Variants in DPP6 observed in about 807,000 individuals in gnomAD.
The protein encoded by DPP6 is dipeptidyl peptidase like 6, also known as A-type potassium channel modulatory protein DPP6.
A neutral mutation model predicts 122.6 loss-of-function variants in DPP6; 69 were observed. The observed-to-expected ratio is 0.56, with a 90% confidence interval of 0.46 to 0.69. DPP6 has a LOEUF of 0.69. Among genes scored for constraint, DPP6 ranks in the 30% least tolerant of loss-of-function variants. The pLI, the probability that DPP6 is intolerant of heterozygous loss-of-function variation, is 0.00. For missense variants in DPP6, 928 were observed against 1,116.9 expected (o/e 0.83, Z 2.41); for synonymous variants, 418 against 433.1 (o/e 0.97, Z 0.43).
chr7:154,322,284 C>T (rs1176916990), intron 1 of DPP6, among the ~76,000 whole-genome samples: 1 of 152,174 alleles, frequency 6.6e-6, no homozygotes, highest in Non-Finnish European at 1.5e-5. Context: ...CATTAGGATG[C>T]AATGTGCATT....
At chr7:154,474,302 T>C (rs184955118) in intron 2 of DPP6, among the ~76,000 whole-genome samples, 139 of 152,348 alleles carry the variant, frequency 9.1e-4, no homozygotes, top group Non-Finnish European at 1.6e-3. Flanking sequence ...ACATCTCATC[T>C]TGGGATGAAC....
At chr7:154,729,713 T>C (rs1443037402) in intron 8 of DPP6, among the ~76,000 whole-genome samples, 1 of 152,194 alleles carries the variant, frequency 6.6e-6, no homozygotes, top group Non-Finnish European at 1.5e-5. Context: ...CACATGAGGC[T>C]GTCCTTCCCT....
chr7:154,723,479 A>C (rs1841921438), intron 7 of DPP6, among the ~76,000 whole-genome samples: 2 of 152,220 alleles, frequency 1.3e-5, no homozygotes, highest in South Asian at 4.1e-4. Flanking sequence ...AAAAAAAAAA[A>C]AAGCTAAAAC....
chr7:154,422,651 TG>T (rs1291238776), intron 1 of DPP6, among the ~76,000 whole-genome samples: 1 of 126,646 alleles, frequency 7.9e-6, no homozygotes, highest in African/African-American at 2.8e-5. Flanking sequence ...GATAGGTGAA[TG>T]GGTAGGTGGA....
chr7:154,862,280 G>C (rs1286658921), intron 17 of DPP6, among the ~76,000 whole-genome samples: 1 of 152,228 alleles, frequency 6.6e-6, no homozygotes, highest in African/African-American at 2.4e-5. Context: ...AGCGAATCAG[G>C]CATGTCCATT....
upstream of DPP6, among the ~76,000 whole-genome samples, chr7:154,049,581 C>CATTTATTTATTTATTTATTTATTT (rs199596759): frequency 1.5e-5 from 2 of 133,270 alleles, no homozygotes; most frequent in African/African-American, 5.4e-5. Context: ...AGGTATAGAA[C>CATTTATTTATTTATTTATTTATTT]ATTTATTTAT....
chr7:154,519,427 C>T (rs966428714), intron 3 of DPP6, among the ~76,000 whole-genome samples: 1 of 152,208 alleles, frequency 6.6e-6, no homozygotes, highest in African/African-American at 2.4e-5. Context: ...TGACATCCCA[C>T]GTTTGTGACA....
At chr7:154,614,333 T>A (rs1834096565) in intron 5 of DPP6, among the ~76,000 whole-genome samples, 1 of 152,238 alleles carries the variant, frequency 6.6e-6, no homozygotes, top group Admixed American at 6.5e-5. Context: ...GAAATAATTA[T>A]GGAATTAGCC....
At chr7:154,389,724 C>A (rs1814446860) in intron 1 of DPP6, among the ~76,000 whole-genome samples, 2 of 151,920 alleles carry the variant, frequency 1.3e-5, no homozygotes, top group Admixed American at 6.6e-5. Context: ...TCTGGCAGTC[C>A]TCAAAATGTA....
intron 1 of DPP6, among the ~76,000 whole-genome samples, chr7:154,023,317 T>TACACAC (rs1563109129): frequency 1.2e-4 from 5 of 40,964 alleles, no homozygotes; most frequent in Admixed American, 3.1e-4. Context: ...GTTTCTTGTC[T>TACACAC]GCACACACAC....
At position 154,758,561 on chromosome 7, in the gene DPP6, G is replaced by A. The variant is rs183075723; in HGVS notation, c.884-10856G>A. Among the ~76,000 whole-genome samples the A allele has an allele frequency of 1.9e-3, 282 of 151,968 alleles. 1 individual carries two copies. Among genetic ancestry groups the A allele is most frequent in the African/African-American group, 6.5e-3 (268 of 41,430 alleles). Reference sequence around the variant, plus strand: ...TAATTTTTGTATTTTTAGTAGAGACGGGGTTTCACCATGTTGACCAGGCTG... The same window carrying A: ...TAATTTTTGTATTTTTAGTAGAGACAGGGTTTCACCATGTTGACCAGGCTG... On this transcript the variant is annotated intron_variant, in intron 8 of 25. Coordinates refer to ENST00000377770, the MANE Select transcript of DPP6 (RefSeq NM_130797.4).
chr7:153,804,885 GAA>G, the DPP6 span, among the ~76,000 whole-genome samples: 1 of 147,198 alleles, frequency 6.8e-6, no homozygotes, highest in African/African-American at 2.5e-5. Context: ...CTTCATCTCA[GAA>G]AAAAAAAAAT....
At chr7:154,630,469 A>G (rs1028880833) in intron 5 of DPP6, among the ~76,000 whole-genome samples, 2 of 152,234 alleles carry the variant, frequency 1.3e-5, no homozygotes, top group Admixed American at 6.5e-5. Context: ...GCGAATTCCA[A>G]TATTTTTCTG....
At chr7:154,513,018 C>T (rs1262720469) in intron 3 of DPP6, among the ~76,000 whole-genome samples, 1 of 152,098 alleles carries the variant, frequency 6.6e-6, no homozygotes, top group Non-Finnish European at 1.5e-5. Flanking sequence ...ACAATCTATT[C>T]TATTGAAAAG....
chr7:154,727,186 C>G (rs1329213344), intron 7 of DPP6, among the ~76,000 whole-genome samples: 2 of 152,184 alleles, frequency 1.3e-5, no homozygotes, highest in African/African-American at 2.4e-5. Context: ...TTAATTGACT[C>G]ATGATTCTGC....
At chr7:154,783,516 C>G (rs1797155413) in intron 10 of DPP6, among the ~76,000 whole-genome samples, 2 of 152,166 alleles carry the variant, frequency 1.3e-5, no homozygotes, top group Admixed American at 6.5e-5. Flanking sequence ...GCAGCCATTC[C>G]CGCAGCACAG....
chr7:153,843,233 T>C, the DPP6 span, among the ~76,000 whole-genome samples: 2 of 150,462 alleles, frequency 1.3e-5, no homozygotes, highest in Admixed American at 6.6e-5. Flanking sequence ...TACACGCACA[T>C]ACACACGCAC....
chr7:154,129,621 C>A lies in DPP6; in HGVS notation c.243+76558C>A, dbSNP rs11535219. ...CTACTAAAAATAAAAAATTAGCGGCCGGGCACAGTGGCTTACGCCTGTAAT... is the reference window on the plus strand; with the variant it reads ...CTACTAAAAATAAAAAATTAGCGGCAGGGCACAGTGGCTTACGCCTGTAAT... On this transcript the variant is annotated intron_variant, in intron 1 of 25. Coordinates refer to ENST00000377770, the MANE Select transcript of DPP6 (RefSeq NM_130797.4). Among the ~76,000 whole-genome samples, 6 of 152,300 alleles carry A rather than the reference C, an allele frequency of 3.9e-5. No homozygotes were observed. In the East Asian group the frequency reaches 1.2e-3, roughly 29 times the overall value.
At chr7:154,254,050 C>T (rs1802511651) in intron 1 of DPP6, among the ~76,000 whole-genome samples, 1 of 152,198 alleles carries the variant, frequency 6.6e-6, no homozygotes, top group Admixed American at 6.5e-5. Context: ...TCAGTCACCT[C>T]CCGCCGGGCC....
Sources: allele counts gnomAD v4.1 joint callset (sites outside exome capture counted in the v4.1 genomes callset), GRCh38; gene constraint gnomAD v4.1.1; transcripts MANE v1.5; gene names NCBI Gene and HGNC (gene_info 2026-07-23, HGNC 2026-07-21).